Variants in LRRK1 observed in about 807,000 individuals in gnomAD.
LRRK1 encodes leucine-rich repeat serine/threonine-protein kinase 1.
In LRRK1, 113 loss-of-function variants were observed where a neutral mutation model predicts 209.1. That is an observed-to-expected ratio of 0.54 (90% CI 0.46 to 0.63). LRRK1 has a LOEUF of 0.63. Ranked by LOEUF, LRRK1 falls within the 30% of genes least tolerant of loss-of-function variation. The pLI is 0.00. For synonymous variants in LRRK1, 1,144 were observed against 1,099.7 expected (o/e 1.04, Z -0.80); for missense variants, 2,284 against 2,632.2 (o/e 0.87, Z 2.89).
At position 101,075,619 on chromosome 15, in the gene LRRK1, A is replaced by C. The variant is rs977683993; in HGVS notation, c.*6771A>C. 2 of 149,510 alleles carry C rather than the reference A, an allele frequency of 1.3e-5. No homozygotes were observed. The highest frequency in any genetic ancestry group is 4.2e-4 in the South Asian group (2 of 4,792). The allele number at this position is 149,510 out of a possible 1,614,324, so 9.3% of individuals were successfully genotyped here. A position where few individuals can be genotyped will look rare whatever the true frequency, so the allele number is the denominator to read the frequency against. ...CTTTTAAAGCCTATAAACTCTCCTT[A>C]CAATTCCCCCATTTCACTTGTCCTA... is the stretch of plus-strand genomic sequence containing the variant. On this transcript the variant is annotated 3_prime_UTR_variant, in exon 34 of 34. Coordinates refer to ENST00000388948, the MANE Select transcript of LRRK1 (RefSeq NM_024652.6).
At chr15:101,049,609 A>T (rs1224816719) in intron 22 of LRRK1, 35 bp from the exon 23 acceptor site, 1 of 1,606,088 alleles carries the variant, frequency 6.2e-7, no homozygotes, top group South Asian at 1.1e-5. Context: ...CCAGAGCCAG[A>T]TCGCAATGGG....
chr15:101,012,631 C>T (rs536952489), intron 10 of LRRK1, among the ~76,000 whole-genome samples: 53 of 152,266 alleles, frequency 3.5e-4, no homozygotes, highest in Non-Finnish European at 6.6e-4. Flanking sequence ...TAGTGGACCC[C>T]CAGGCAGAGT....
chr15:101,003,303 C>G (rs993772820), intron 6 of LRRK1, among the ~76,000 whole-genome samples: 4 of 152,200 alleles, frequency 2.6e-5, no homozygotes, highest in African/African-American at 9.7e-5. Context: ...TATCAGATGT[C>G]AGTCCTGCAG....
intron 20 of LRRK1, among the ~76,000 whole-genome samples, chr15:101,036,548 T>C (rs961599222): frequency 6.6e-6 from 1 of 152,220 alleles, no homozygotes; most frequent in Non-Finnish European, 1.5e-5. Flanking sequence ...TAGAATTTTC[T>C]TCTATCTCAC....
At position 100,933,763 on chromosome 15, in the gene LRRK1, A is replaced by G. The variant is rs186901796; in HGVS notation, c.97+9034A>G. On this transcript the variant is annotated intron_variant, in intron 2 of 33. Coordinates refer to ENST00000388948, the MANE Select transcript of LRRK1 (RefSeq NM_024652.6). ...CTTGAACCTGGGAAGCAGAGGTTGCAGTGAGCTGAGATCACACCACTCCAC... is the reference window on the plus strand; with the variant it reads ...CTTGAACCTGGGAAGCAGAGGTTGCGGTGAGCTGAGATCACACCACTCCAC... 3.4e-3 allele frequency among the ~76,000 whole-genome samples: 436 copies of G among 129,650 alleles called. 3 individuals are homozygous for G. The highest frequency in any genetic ancestry group is 0.012 in the African/African-American group (408 of 34,682). The allele number at this position is 129,650 out of a possible 152,430, so 85.1% of individuals were successfully genotyped here. A position where few individuals can be genotyped will look rare whatever the true frequency, so the allele number is the denominator to read the frequency against.
In LRRK1 at chr15:101,021,848, C is replaced by T. The variant is rs1331119632; in HGVS notation, c.1743C>T (p.Asn581=). ...TGGTGGACACATCTGTCTTCAGCAA[C>T]CCTGGCCTCCGGGAGCTCCCTCCTG... is the stretch of plus-strand genomic sequence containing the variant. The part of the protein sequence containing the change: ...KSLSELYLGN[N]PGLRELPPEL... Residue 581 remains asparagine (N), a synonymous_variant, in exon 14 of 34, where the codon AAC becomes AAT. Coordinates refer to ENST00000388948, the MANE Select transcript of LRRK1 (RefSeq NM_024652.6). The T allele has an allele frequency of 2.5e-6, 4 of 1,611,720 alleles. No homozygotes were observed. Among genetic ancestry groups the T allele is most frequent in the Non-Finnish European group, 3.4e-6 (4 of 1,178,152 alleles).
intron 20 of LRRK1, among the ~76,000 whole-genome samples, chr15:101,044,706 C>G (rs1397334578): frequency 6.6e-6 from 1 of 152,250 alleles, no homozygotes; most frequent in East Asian, 1.9e-4. Context: ...ACTCTCTAAG[C>G]ACACTCCGAC....
intron 2 of LRRK1, among the ~76,000 whole-genome samples, chr15:100,932,469 C>G (rs2042230060): frequency 6.6e-6 from 1 of 152,160 alleles, no homozygotes; most frequent in Admixed American, 6.5e-5. Context: ...TCATCAATGT[C>G]TTATTAAAGG....
At chr15:100,968,656 CTTTCTTTCTTTCTT>C (rs1438001299) in intron 2 of LRRK1, among the ~76,000 whole-genome samples, 3 of 149,038 alleles carry the variant, frequency 2.0e-5, no homozygotes, top group Non-Finnish European at 1.5e-5. Context: ...TTTTCTTTTT[CTTTCTTTCTTTCTT>C]TTTCTTTCTT....
chr15:100,972,631 G>A (rs905385625), intron 2 of LRRK1, among the ~76,000 whole-genome samples: 2 of 152,078 alleles, frequency 1.3e-5, no homozygotes, highest in African/African-American at 2.4e-5. Flanking sequence ...AGTCGGACTT[G>A]TAGAGAATCA....
intron 2 of LRRK1, among the ~76,000 whole-genome samples, chr15:100,959,144 C>G (rs2042822265): frequency 6.6e-6 from 1 of 152,186 alleles, no homozygotes; most frequent in Non-Finnish European, 1.5e-5. Context: ...GCATCATTCT[C>G]CTCCTCTTTT....
intron 7 of LRRK1, among the ~76,000 whole-genome samples, chr15:101,009,833 G>T (rs2033149540): frequency 6.6e-6 from 1 of 152,166 alleles, no homozygotes; most frequent in Non-Finnish European, 1.5e-5. Flanking sequence ...TGATCCGCCT[G>T]CCTCGGCCTC....
intron 1 of LRRK1, among the ~76,000 whole-genome samples, chr15:100,922,440 ATT>A (rs35943191): frequency 4.0e-5 from 6 of 148,434 alleles, no homozygotes; most frequent in South Asian, 2.1e-4. Flanking sequence ...TAATTTTAAG[ATT>A]TTTTTTTTTT....
chr15:101,020,533 G>A (rs1247676195), intron 12 of LRRK1, among the ~76,000 whole-genome samples: 2 of 151,718 alleles, frequency 1.3e-5, no homozygotes, highest in African/African-American at 2.4e-5. Context: ...CCACCATCAC[G>A]CCTGGCTAAT....
chr15:100,986,211 A>C lies in LRRK1; in HGVS notation c.434-2423A>C, dbSNP rs540451326. Among the ~76,000 whole-genome samples the C allele has an allele frequency of 5.4e-4, 83 of 152,298 alleles. 1 individual carries two copies. The Middle Eastern group carries it at 0.01, about 19-fold the overall frequency. On this transcript the variant is annotated intron_variant, in intron 4 of 33. Coordinates refer to ENST00000388948, the MANE Select transcript of LRRK1 (RefSeq NM_024652.6). ...AGAAGGAGACCCTGTCTCAAACAAA[A>C]AACAAAAACAAGAAGCAGCTAGAGA... is the stretch of plus-strand genomic sequence containing the variant.
chr15:101,053,227 C>T lies in LRRK1; in HGVS notation c.3861C>T (p.Thr1287=). The T allele has an allele frequency of 1.2e-6, 2 of 1,605,416 alleles. No individual in the cohort carries two copies. The highest frequency in any genetic ancestry group is 8.5e-7 in the Non-Finnish European group (1 of 1,179,882). ...ACACTGCGCTGTCCCTGGCAGACAC[C>T]ATGCTGAGGCACCTGCGGGCCACCG... ...FKNFANVPAD[T]MLRHLRATDA... Residue 1287 remains threonine, a synonymous_variant, in exon 26 of 34, where the codon ACC becomes ACT. Transcript: ENST00000388948.
intron 2 of LRRK1, among the ~76,000 whole-genome samples, chr15:100,929,073 T>G (rs1452493715): frequency 6.6e-6 from 1 of 152,160 alleles, no homozygotes; most frequent in Non-Finnish European, 1.5e-5. Flanking sequence ...TTGACAAACA[T>G]GTCATTAGAT....
intron 2 of LRRK1, among the ~76,000 whole-genome samples, chr15:100,949,757 A>G (rs960263894): frequency 2.0e-5 from 3 of 152,162 alleles, no homozygotes; most frequent in Non-Finnish European, 4.4e-5. Context: ...AATAAAGGAG[A>G]AAAAATATAT....
intron 2 of LRRK1, among the ~76,000 whole-genome samples, chr15:100,931,416 G>C (rs978746950): frequency 6.6e-6 from 1 of 152,210 alleles, no homozygotes; most frequent in Admixed American, 6.5e-5. Context: ...TAAAGGCAGA[G>C]AACATCTTAA....
Sources: gnomAD v4.1 joint callset for allele counts (sites outside exome capture counted in the v4.1 genomes callset) on GRCh38, gnomAD v4.1.1 for gene constraint, MANE v1.5 for transcripts, NCBI Gene and HGNC (gene_info 2026-07-23, HGNC 2026-07-21) for gene names.